Variants in MOCOS observed in about 807,000 individuals in gnomAD.
MOCOS encodes the protein molybdenum cofactor sulfurase.
A neutral mutation model predicts 83.6 loss-of-function variants in MOCOS; 86 were observed. That is an observed-to-expected ratio of 1.03 (90% confidence interval 0.86 to 1.23). MOCOS has a LOEUF of 1.23. Ranked by LOEUF, MOCOS falls within the 50% of genes most tolerant of loss-of-function variation. The pLI is 0.00. For synonymous variants in MOCOS, 445 were observed against 434.7 expected (o/e 1.02, Z -0.29); for missense variants, 1,120 against 1,126.9 (o/e 0.99, Z 0.09).
In MOCOS at chr18:36,270,365, C is replaced by T. The variant is rs1376844414; in HGVS notation, c.*1680C>T. 1 of 152,112 alleles carries T rather than the reference C, an allele frequency of 6.6e-6. No individual in the cohort carries two copies. Among genetic ancestry groups the T allele is most frequent in the Non-Finnish European group, 1.5e-5 (1 of 68,048 alleles). 9.4% of individuals were successfully genotyped at this position (152,112 alleles called of 1,614,324 possible). ...CCCCATTTCCAAGACCTTCCGCTGA[C>T]AAATGCATCATATTAATTATGATGG... is the stretch of plus-strand genomic sequence containing the variant. On this transcript the variant is annotated 3_prime_UTR_variant, in exon 15 of 15. Transcript: ENST00000261326.
intron 4 of MOCOS, among the ~76,000 whole-genome samples, chr18:36,202,772 G>C (rs1033963340): frequency 6.6e-6 from 1 of 152,156 alleles, no homozygotes; most frequent in African/African-American, 2.4e-5. Context: ...TACAATCATG[G>C]CGGAAAGGGA....
At chr18:36,251,100 GATT>G in intron 10 of MOCOS, 56 bp from the exon 11 acceptor site, 1 of 1,564,518 alleles carries the variant, frequency 6.4e-7, no homozygotes. Context: ...TTGCAATTCA[GATT>G]ATTATTTAAA....
intron 9 of MOCOS, among the ~76,000 whole-genome samples, chr18:36,248,141 C>T (rs2091609013): frequency 6.6e-6 from 1 of 152,052 alleles, no homozygotes; most frequent in African/African-American, 2.4e-5. Flanking sequence ...TGGTAATAGC[C>T]ATTCTAACTG....
At chr18:36,204,814 GA>G (rs574656138) in intron 5 of MOCOS, among the ~76,000 whole-genome samples, 135 of 151,788 alleles carry the variant, frequency 8.9e-4, no homozygotes, top group African/African-American at 3.1e-3. Flanking sequence ...GCAACATGGT[GA>G]AACTCCATCT....
At chr18:36,259,751 A>G (rs2091656092) in intron 12 of MOCOS, among the ~76,000 whole-genome samples, 2 of 152,128 alleles carry the variant, frequency 1.3e-5, no homozygotes, top group African/African-American at 4.8e-5. Flanking sequence ...TCTGATTTCC[A>G]AAGTCCTTCA....
At chr18:36,209,888 G>C (rs1325511582) in intron 6 of MOCOS, among the ~76,000 whole-genome samples, 2 of 152,142 alleles carry the variant, frequency 1.3e-5, no homozygotes, top group Non-Finnish European at 1.5e-5. Flanking sequence ...ATTTTTTGTA[G>C]AGACAGGGTT....
Position 36,268,481 on chromosome 18 carries a change from A to T in MOCOS, c.2515-52A>T, listed in dbSNP as rs1395521872. On this transcript the variant is annotated intron_variant, in intron 14 of 14. Coordinates refer to ENST00000261326, the MANE Select transcript of MOCOS (RefSeq NM_017947.4). The stretch of plus-strand genomic sequence containing the variant: ...ACATTAATATTTACAAAGTTATTTT[A>T]ATTGCTAAAATAATCTAGCCTTTTT... 7 of 1,611,768 alleles carry T rather than the reference A, an allele frequency of 4.3e-6. No homozygotes were observed. In the East Asian group the frequency reaches 1.6e-4, roughly 36 times the overall value.
At position 36,190,978 on chromosome 18, in the gene MOCOS, C is replaced by T. The variant is rs193281205; in HGVS notation, c.142+3297C>T. ...AGGTTGCAGTGAGCCAAGATTGAGC[C>T]CCTGCACTCTAGCCTGGGTGGCAGA... On this transcript the variant is annotated intron_variant, in intron 1 of 14. Coordinates refer to ENST00000261326, the MANE Select transcript of MOCOS (RefSeq NM_017947.4). Among the ~76,000 whole-genome samples the T allele has an allele frequency of 6.1e-3, 840 of 137,972 alleles. 6 individuals carry two copies. The highest frequency in any genetic ancestry group is 9.9e-3 in the Non-Finnish European group (651 of 65,930). 90.5% of individuals were successfully genotyped at this position (137,972 alleles called of 152,430 possible). A position where few individuals can be genotyped will look rare whatever the true frequency, so the allele number is the denominator to read the frequency against.
At chr18:36,187,878 T>C (rs1183806670) in intron 1 of MOCOS, among the ~76,000 whole-genome samples, 197 bp downstream of exon 1, 4 of 152,204 alleles carry the variant, frequency 2.6e-5, no homozygotes, top group African/African-American at 9.6e-5. Context: ...TTCTTGCTAC[T>C]CTTACTCTTC....
rs572817312 is a variant in MOCOS at position 36,268,951 on chromosome 18, T to A, written c.*266T>A. The A allele has an allele frequency of 8.9e-4, 406 of 454,540 alleles. 1 individual carries two copies. Among genetic ancestry groups the A allele is most frequent in the African/African-American group, 7.2e-3 (366 of 50,920 alleles). 28.2% of individuals were successfully genotyped at this position (454,540 alleles called of 1,614,324 possible). A position where few individuals can be genotyped will look rare whatever the true frequency, so the allele number is the denominator to read the frequency against. ...GCTCCTGTAGGTATTTGAAGTATAATCACTTGTAATCAGATGAAATTTTTA... is the reference window on the plus strand; with the variant it reads ...GCTCCTGTAGGTATTTGAAGTATAAACACTTGTAATCAGATGAAATTTTTA... On this transcript the variant is annotated 3_prime_UTR_variant, in exon 15 of 15. Transcript: ENST00000261326.
chr18:36,228,406 A>G, intron 9 of MOCOS, among the ~76,000 whole-genome samples: 1 of 152,374 alleles, frequency 6.6e-6, no homozygotes, highest in Non-Finnish European at 1.5e-5. Flanking sequence ...CACAATTCAC[A>G]ATAGCAAGGA....
At chr18:36,238,039 T>C (rs1264588085) in intron 9 of MOCOS, among the ~76,000 whole-genome samples, 3 of 151,916 alleles carry the variant, frequency 2.0e-5, no homozygotes, top group Non-Finnish European at 4.4e-5. Context: ...TCTTTATTAG[T>C]CTTGCTAGTG....
intron 9 of MOCOS, among the ~76,000 whole-genome samples, chr18:36,226,450 G>T: frequency 6.6e-6 from 1 of 150,994 alleles, no homozygotes; most frequent in African/African-American, 2.4e-5. Flanking sequence ...GCATACAGTT[G>T]GGTTTTTTTT....
At chr18:36,191,601 G>T (rs140990367) in intron 1 of MOCOS, among the ~76,000 whole-genome samples, 151 of 152,294 alleles carry the variant, frequency 9.9e-4, no homozygotes, top group African/African-American at 3.4e-3. Flanking sequence ...GCACCACCAT[G>T]CCTGGCTATT....
At chr18:36,197,688 C>A (rs1420311983) in intron 2 of MOCOS, among the ~76,000 whole-genome samples, 1 of 150,820 alleles carries the variant, frequency 6.6e-6, no homozygotes, top group East Asian at 2.0e-4. Context: ...CAGGAGGAGC[C>A]CTTGAGCCCA....
intron 2 of MOCOS, 134 bp downstream of exon 2, chr18:36,195,480 G>A: frequency 1.3e-6 from 1 of 797,394 alleles, no homozygotes; most frequent in Non-Finnish European, 2.1e-6. Flanking sequence ...TAAGATAGGG[G>A]CCAGGCAAGC....
chr18:36,212,841 G>A (rs2091460088), intron 6 of MOCOS, among the ~76,000 whole-genome samples: 1 of 152,266 alleles, frequency 6.6e-6, no homozygotes, highest in South Asian at 2.1e-4. Context: ...GAGCCCCCAG[G>A]GTGAGGACTC....
At chr18:36,240,889 C>T (rs775211728) in intron 9 of MOCOS, among the ~76,000 whole-genome samples, 11 of 152,168 alleles carry the variant, frequency 7.2e-5, no homozygotes, top group South Asian at 2.1e-4. Context: ...GGGAATGACC[C>T]GATTCTCCAG....
intron 9 of MOCOS, among the ~76,000 whole-genome samples, chr18:36,226,210 G>T (rs1434923865): frequency 6.6e-6 from 1 of 151,898 alleles, no homozygotes; most frequent in Non-Finnish European, 1.5e-5. Flanking sequence ...GATGTTGGGT[G>T]CATATATATT....
Sources: gnomAD v4.1 joint callset for allele counts (sites outside exome capture counted in the v4.1 genomes callset) on GRCh38, gnomAD v4.1.1 for gene constraint, MANE v1.5 for transcripts, NCBI Gene and HGNC (gene_info 2026-07-23, HGNC 2026-07-21) for gene names.